POU6F2: variants seen among roughly 807,000 people sequenced by gnomAD.
POU6F2 encodes the protein POU domain, class 6, transcription factor 2.
Under a neutral mutation model 71.3 loss-of-function variants are expected in POU6F2, and 31 were observed. The observed-to-expected ratio is 0.43, with a 90% confidence interval of 0.33 to 0.59. The LOEUF (loss-of-function observed/expected upper bound fraction) is 0.59. Among genes scored for constraint, POU6F2 ranks in the 20% least tolerant of loss-of-function variants. POU6F2 has a pLI of 0.04. For synonymous variants in POU6F2, 347 were observed against 355.7 expected (o/e 0.98, Z 0.27); for missense variants, 783 against 856.8 (o/e 0.91, Z 1.07).
At chr7:39,057,413 TC>T (rs1320031568) in intron 1 of POU6F2, among the ~76,000 whole-genome samples, 1 of 152,176 alleles carries the variant, frequency 6.6e-6, no homozygotes, top group Non-Finnish European at 1.5e-5. Flanking sequence ...GAAATCTTTT[TC>T]TATTTCTTTT....
chr7:39,005,667 A>G (rs933361511), intron 1 of POU6F2, among the ~76,000 whole-genome samples: 3 of 151,630 alleles, frequency 2.0e-5, no homozygotes, highest in African/African-American at 7.3e-5. Flanking sequence ...AGTAAGATCC[A>G]ATGTTGATAG....
At position 39,216,222 on chromosome 7, in the gene POU6F2, G is replaced by A. The variant is rs76747613; in HGVS notation, c.598+8602G>A. Among the ~76,000 whole-genome samples the A allele has an allele frequency of 4.0e-3, 605 of 152,262 alleles. 14 individuals carry two copies. In the East Asian group the frequency reaches 0.054, roughly 14 times the overall value. On this transcript the variant is annotated intron_variant, in intron 4 of 9. Coordinates refer to ENST00000518318, the MANE Select transcript of POU6F2 (RefSeq NM_001370959.1). ...TGTGTCCAACAGTCATTGCATTAAC[G>A]ATACACTACAGAAGTATTTGACTTA... is the stretch of plus-strand genomic sequence containing the variant.
intron 1 of POU6F2, among the ~76,000 whole-genome samples, chr7:39,028,919 C>T (rs771777184): frequency 4.6e-5 from 7 of 152,242 alleles, no homozygotes; most frequent in Non-Finnish European, 8.8e-5. Context: ...ATCCTCCCAC[C>T]TCAGCCTCCT....
chr7:39,285,147 A>G (rs886245678), intron 4 of POU6F2, among the ~76,000 whole-genome samples: 2 of 152,196 alleles, frequency 1.3e-5, no homozygotes, highest in African/African-American at 4.8e-5. Flanking sequence ...ACTCCTAATC[A>G]ACAAATTTTT....
chr7:39,210,062 AAT>A (rs1794107572), intron 4 of POU6F2, among the ~76,000 whole-genome samples: 1 of 152,194 alleles, frequency 6.6e-6, no homozygotes, highest in African/African-American at 2.4e-5. Flanking sequence ...TTTCCTGTAC[AAT>A]AAATACAGTA....
chr7:39,050,023 A>G (rs1294050638), intron 1 of POU6F2, among the ~76,000 whole-genome samples: 1 of 152,048 alleles, frequency 6.6e-6, no homozygotes, highest in African/African-American at 2.4e-5. Flanking sequence ...GCCATATTAT[A>G]GCAGCTCTTG....
intron 2 of POU6F2, among the ~76,000 whole-genome samples, chr7:39,087,811 A>G (rs892019203): frequency 2.0e-5 from 3 of 152,158 alleles, no homozygotes; most frequent in Non-Finnish European, 4.4e-5. Context: ...CAAGTAATCC[A>G]AAAGAGGGGT....
chr7:39,327,528 T>G (rs1785536480), intron 4 of POU6F2, among the ~76,000 whole-genome samples: 1 of 152,026 alleles, frequency 6.6e-6, no homozygotes, highest in Non-Finnish European at 1.5e-5. Context: ...TCCCAGCTAC[T>G]CTGAGAGGAT....
intron 7 of POU6F2, among the ~76,000 whole-genome samples, chr7:39,446,488 G>T (rs975641481): frequency 4.6e-5 from 7 of 152,218 alleles, no homozygotes; most frequent in African/African-American, 1.7e-4. Context: ...ATTAGAAGAT[G>T]ATTTATTCCA....
At chr7:39,174,100 G>A (rs747810937) in intron 2 of POU6F2, among the ~76,000 whole-genome samples, 7 of 152,244 alleles carry the variant, frequency 4.6e-5, no homozygotes, top group African/African-American at 9.6e-5. Flanking sequence ...CCAAGTGGGG[G>A]TGTGATGGAG....
intron 2 of POU6F2, among the ~76,000 whole-genome samples, chr7:39,127,016 C>T (rs1032616907): frequency 6.6e-6 from 1 of 151,842 alleles, no homozygotes; most frequent in Admixed American, 6.6e-5. Context: ...TAAAGACAAA[C>T]AAGGAATTAA....
At chr7:39,008,981 G>A (rs146756620) in intron 1 of POU6F2, among the ~76,000 whole-genome samples, 27,824 of 152,068 alleles carry the variant, frequency 0.18, 2,879 homozygotes, top group South Asian at 0.35. Flanking sequence ...TGTTCTTTTG[G>A]CATAGGATTG....
intron 1 of POU6F2, among the ~76,000 whole-genome samples, chr7:39,076,536 A>G (rs868640289): frequency 5.3e-5 from 8 of 151,298 alleles, no homozygotes; most frequent in African/African-American, 2.0e-4. Flanking sequence ...TTTTAAAAAG[A>G]AAAAGAAAAA....
At chr7:39,289,226 G>A (rs868217461) in intron 4 of POU6F2, among the ~76,000 whole-genome samples, 3 of 152,092 alleles carry the variant, frequency 2.0e-5, no homozygotes, top group Admixed American at 1.3e-4. Context: ...CCCAACACAG[G>A]CCACACATAC....
chr7:39,258,997 A>T (rs1388820293), intron 4 of POU6F2, among the ~76,000 whole-genome samples: 1 of 152,196 alleles, frequency 6.6e-6, no homozygotes, highest in Non-Finnish European at 1.5e-5. Context: ...CATTTGAAGG[A>T]CAAACTCATT....
chr7:39,025,637 A>G (rs924799043), intron 1 of POU6F2, among the ~76,000 whole-genome samples: 1 of 151,872 alleles, frequency 6.6e-6, no homozygotes, highest in Non-Finnish European at 1.5e-5. Flanking sequence ...ACCTAAAACC[A>G]TAAAAACCCT....
chr7:38,983,755 C>T (rs751354783), intron 1 of POU6F2, among the ~76,000 whole-genome samples: 11 of 152,052 alleles, frequency 7.2e-5, no homozygotes, highest in Non-Finnish European at 1.0e-4. Context: ...CCACACCCCA[C>T]TTATAAATGA....
chr7:39,080,348 C>T (rs770279345), intron 1 of POU6F2, among the ~76,000 whole-genome samples: 7 of 151,934 alleles, frequency 4.6e-5, no homozygotes, highest in Admixed American at 6.6e-5. Flanking sequence ...AACCTACCAA[C>T]GCCTTGTTTC....
Position 39,460,773 on chromosome 7 carries a change from C to T in POU6F2, c.1658+58C>T. The T allele has an allele frequency of 6.9e-7, 1 of 1,455,420 alleles. No individual in the cohort carries two copies. Among genetic ancestry groups the T allele is most frequent in the African/African-American group, 1.4e-5 (1 of 70,374 alleles). 90.2% of individuals were successfully genotyped at this position (1,455,420 alleles called of 1,614,324 possible). Reference sequence around the variant, plus strand: ...AGCCGCCCTGGGCCTCATTTGTCCTCGCGGTTCAGCTTTTCTTCGTCGGGT... The same window carrying T: ...AGCCGCCCTGGGCCTCATTTGTCCTTGCGGTTCAGCTTTTCTTCGTCGGGT... On this transcript the variant is annotated intron_variant, in intron 9 of 9. Coordinates refer to ENST00000518318, the MANE Select transcript of POU6F2 (RefSeq NM_001370959.1). This position sits in a 1 kb window ranked among gnomAD's most constrained non-coding sequence, Gnocchi z 4.4.
Sources: allele counts gnomAD v4.1 joint callset (sites outside exome capture counted in the v4.1 genomes callset), GRCh38; gene constraint gnomAD v4.1.1; non-coding constraint Gnocchi (gnomAD v3.1); transcripts MANE v1.5; gene names NCBI Gene and HGNC (gene_info 2026-07-23, HGNC 2026-07-21).